Variants in SAMMSON observed in about 807,000 individuals in gnomAD.
SAMMSON encodes survival associated mitochondrial melanoma specific oncogenic non-coding RNA.
intron 1 of SAMMSON, among the ~76,000 whole-genome samples, chr3:70,002,843 T>C (rs2066911481): frequency 6.6e-6 from 1 of 152,148 alleles, no homozygotes; most frequent in Non-Finnish European, 1.5e-5. Flanking sequence ...TTTGGGACAG[T>C]ATTCTATGTA....
At chr3:70,187,568 G>T (rs563572114) in intron 4 of SAMMSON, among the ~76,000 whole-genome samples, 1 of 150,758 alleles carries the variant, frequency 6.6e-6, no homozygotes, top group Admixed American at 6.6e-5. Context: ...CTCCCGTGTA[G>T]CTGGGACTAC....
intron 6 of SAMMSON, chr3:70,272,198 G>C (rs1701982141): frequency 6.6e-6 from 1 of 152,062 alleles, no homozygotes; most frequent in Non-Finnish European, 1.5e-5. Context: ...TGCATAGTGG[G>C]GGTTTGACAA....
At chr3:70,023,671 T>C (rs1220178786) in intron 3 of SAMMSON, among the ~76,000 whole-genome samples, 2 of 152,162 alleles carry the variant, frequency 1.3e-5, no homozygotes, top group Admixed American at 6.5e-5. Context: ...TCAGTAATTA[T>C]CGGTGGCTCC....
chr3:70,281,644 G>C (rs551457537), intron 6 of SAMMSON, among the ~76,000 whole-genome samples: 1 of 152,082 alleles, frequency 6.6e-6, no homozygotes, highest in Admixed American at 6.6e-5. Flanking sequence ...TATGTCTCTC[G>C]GTATTTATGC....
At chr3:70,056,747 C>T (rs2067169445) in intron 3 of SAMMSON, among the ~76,000 whole-genome samples, 3 of 152,034 alleles carry the variant, frequency 2.0e-5, no homozygotes, top group South Asian at 4.2e-4. Context: ...ACAAAAGATT[C>T]TTACTCATGC....
chr3:70,158,391 C>A (rs1337452580), intron 4 of SAMMSON, among the ~76,000 whole-genome samples: 3 of 151,994 alleles, frequency 2.0e-5, no homozygotes, highest in Non-Finnish European at 4.4e-5. Flanking sequence ...ATAGTTCATT[C>A]CTTTTTATTG....
chr3:70,058,675 A>G (rs1389955745), intron 3 of SAMMSON, among the ~76,000 whole-genome samples: 1 of 152,110 alleles, frequency 6.6e-6, no homozygotes, highest in South Asian at 2.1e-4. Context: ...CCCAGCAACC[A>G]TTCTTGTCCA....
intron 3 of SAMMSON, among the ~76,000 whole-genome samples, chr3:70,042,212 C>T (rs917377303): frequency 1.3e-5 from 2 of 152,102 alleles, no homozygotes; most frequent in South Asian, 2.1e-4. Flanking sequence ...AACCTGGGAA[C>T]GCAAATCTGG....
intron 2 of SAMMSON, among the ~76,000 whole-genome samples, chr3:70,426,071 A>G (rs181393213): frequency 6.6e-6 from 1 of 152,326 alleles, no homozygotes; most frequent in Admixed American, 6.5e-5. Flanking sequence ...ATGTTTTCCT[A>G]CTTAGTAACT....
intron 4 of SAMMSON, among the ~76,000 whole-genome samples, chr3:70,129,910 GT>G (rs1448984800): frequency 1.3e-5 from 2 of 152,028 alleles, no homozygotes; most frequent in Non-Finnish European, 2.9e-5. Flanking sequence ...ACAACATGAT[GT>G]TTTGATATAC....
At chr3:70,226,495 T>C (rs1168165331) in intron 4 of SAMMSON, among the ~76,000 whole-genome samples, 1 of 152,132 alleles carries the variant, frequency 6.6e-6, no homozygotes, top group Non-Finnish European at 1.5e-5. Context: ...CCCAACACTT[T>C]GGGAGGCTGA....
intron 7 of SAMMSON, among the ~76,000 whole-genome samples, chr3:70,294,923 G>A (rs1335411733): frequency 6.6e-6 from 1 of 151,988 alleles, no homozygotes; most frequent in Non-Finnish European, 1.5e-5. Flanking sequence ...CAAAAACAAA[G>A]CAAAGTAAAA....
intron 2 of SAMMSON, among the ~76,000 whole-genome samples, chr3:70,427,459 GC>G (rs2106777832): frequency 6.6e-6 from 1 of 152,242 alleles, no homozygotes; most frequent in Non-Finnish European, 1.5e-5. Context: ...GTCCAAAAGG[GC>G]CGGGCGCGGT....
intron 4 of SAMMSON, among the ~76,000 whole-genome samples, chr3:70,235,418 G>A (rs555044164): frequency 4.7e-4 from 71 of 152,188 alleles, no homozygotes; most frequent in Admixed American, 5.2e-4. Context: ...CCGTCTCCTC[G>A]CAAATTAAAC....
intron 9 of SAMMSON, among the ~76,000 whole-genome samples, chr3:70,359,965 G>A (rs950230424): frequency 3.3e-5 from 5 of 152,182 alleles, no homozygotes; most frequent in East Asian, 3.9e-4. Context: ...AGAGTATCAC[G>A]GTGGAATATT....
At chr3:70,348,301 G>A (rs1482786964) in intron 7 of SAMMSON, among the ~76,000 whole-genome samples, 1 of 152,182 alleles carries the variant, frequency 6.6e-6, no homozygotes, top group Non-Finnish European at 1.5e-5. Context: ...CCAGGGCAAA[G>A]GTTCTGTATT....
At chr3:70,084,026 C>T (rs1462494677) in intron 4 of SAMMSON, among the ~76,000 whole-genome samples, 4 of 152,128 alleles carry the variant, frequency 2.6e-5, no homozygotes, top group African/African-American at 9.7e-5. Context: ...GAATCCCAAC[C>T]AGAGACCTTG....
intron 4 of SAMMSON, among the ~76,000 whole-genome samples, chr3:70,129,013 C>T (rs1397378433): frequency 6.6e-6 from 1 of 152,078 alleles, no homozygotes; most frequent in Non-Finnish European, 1.5e-5. Context: ...GCATCAAATG[C>T]ATATAAATCT....
At chr3:70,040,649 G>T (rs1344133594) in intron 3 of SAMMSON, among the ~76,000 whole-genome samples, 4 of 152,132 alleles carry the variant, frequency 2.6e-5, no homozygotes, top group Non-Finnish European at 5.9e-5. Flanking sequence ...AGAGAGATGA[G>T]AAGTGGGAAT....
Sources: gnomAD v4.1 joint callset for allele counts (sites outside exome capture counted in the v4.1 genomes callset) on GRCh38, gnomAD v4.1.1 for gene constraint, MANE v1.5 for transcripts, NCBI Gene and HGNC (gene_info 2026-07-23, HGNC 2026-07-21) for gene names.